Variants in CYP4A22 observed in about 807,000 individuals in gnomAD.
CYP4A22 encodes cytochrome P450 family 4 subfamily A member 22.
In CYP4A22, 46 loss-of-function variants were observed where a neutral mutation model predicts 56.2. The observed-to-expected ratio is 0.82, with a 90% confidence interval of 0.65 to 1.05. The LOEUF is 1.05. Among genes scored for constraint, CYP4A22 ranks in the 50% least tolerant of loss-of-function variants. The probability of loss-of-function intolerance (pLI) is 0.00; values close to 1 mark genes in which losing one functional copy is unlikely to be tolerated. For synonymous variants in CYP4A22, 193 were observed against 251.1 expected, an observed-to-expected ratio of 0.77 and a Z score of 2.19; for missense variants, 541 against 645.9, an observed-to-expected ratio of 0.84 and a Z score of 1.76.
Position 47,147,668 on chromosome 1 carries a change from G to C in CYP4A22, c.1365-934G>C, listed in dbSNP as rs549000752. The stretch of plus-strand genomic sequence containing the variant: ...AAGAGGCCCAGCTGGCAGGGAGTGA[G>C]AGGCAGCTGGGCTGTGACTTTAGCC... On this transcript the variant is annotated intron_variant, in intron 11 of 11. Coordinates refer to ENST00000371891, the MANE Select transcript of CYP4A22 (RefSeq NM_001010969.4). Among the ~76,000 whole-genome samples, 5 of 152,290 alleles carry C rather than the reference G, an allele frequency of 3.3e-5. No homozygotes were observed. The South Asian group carries it at 1.0e-3, about 32-fold the overall frequency.
intron 11 of CYP4A22, chr1:47,146,728 C>G: frequency 1.0e-6 from 1 of 989,048 alleles, no homozygotes; most frequent in Non-Finnish European, 1.2e-6. Flanking sequence ...CAGTGTGTGT[C>G]ATATCATACA....
rs1645050880 is a variant in CYP4A22, at chr1:47,144,427, G to C, written c.861G>C (p.Arg287Ser). ...EGELEKIKRK[R>S]HLDFLDILLL... ...AGCTGGAGAAGATCAAGAGGAAGAG[G>C]CACTTGGATTTTCTGGACATCCTCC... Residue 287 changes from arginine (R) to serine (S), a missense_variant, in exon 7 of 12, where the codon AGG becomes AGC. Arg to Ser is a moderately radical substitution (Grantham distance 110, BLOSUM62 -1). This residue lies in a region of CYP4A22 where 335 missense variants were observed against 361.2 expected (regional missense o/e 0.93). Coordinates refer to ENST00000371891, the MANE Select transcript of CYP4A22 (RefSeq NM_001010969.4). 1 of 1,613,972 alleles carries C rather than the reference G, an allele frequency of 6.2e-7. No homozygotes were observed. The highest frequency in any genetic ancestry group is 8.5e-7 in the Non-Finnish European group (1 of 1,179,866).
chr1:47,143,612 G>A, intron 5 of CYP4A22, 150 bp from the exon 6 acceptor site: 1 of 1,271,198 alleles, frequency 7.9e-7, no homozygotes. Flanking sequence ...TCTGATAAAG[G>A]CCAAAGGATA....
In CYP4A22 at chr1:47,148,678, C is replaced by T; in HGVS notation, c.1441C>T (p.Leu481=). The change falls in exon 12 of 12, where the codon CTG becomes TTG. Residue 481 remains leucine, a synonymous_variant. Transcript: ENST00000371891. Reference sequence around the variant, plus strand: ...CCTGACCCTGCTCCGCTTTGAGCTGCTGCCTGATCCCACCAGGATCCCCAT... The same window carrying T: ...CCTGACCCTGCTCCGCTTTGAGCTGTTGCCTGATCCCACCAGGATCCCCAT... ...RALTLLRFEL[L]PDPTRIPIPM... The T allele has an allele frequency of 6.2e-7, 1 of 1,614,124 alleles. No individual in the cohort carries two copies. The highest frequency in any genetic ancestry group is 8.5e-7 in the Non-Finnish European group (1 of 1,179,972).
rs1557649157 is a variant in CYP4A22, at chr1:47,144,897, C to T, written c.1149C>T (p.Tyr383=). ...GCATTAAGGAGGCACTGAGGCTCTA[C>T]CCACCGGTGCCAGGCATTGGAAGAG... ...TMCIKEALRL[Y]PPVPGIGREL... The change falls in exon 9 of 12, where the codon TAC becomes TAT. Residue 383 remains tyrosine, a synonymous_variant. Coordinates refer to ENST00000371891, the MANE Select transcript of CYP4A22 (RefSeq NM_001010969.4). 1.2e-6 allele frequency: 2 copies of T among 1,614,160 alleles called. No homozygotes were observed. The highest frequency in any genetic ancestry group is 1.7e-6 in the Non-Finnish European group (2 of 1,180,028).
In CYP4A22 at chr1:47,142,139, A is replaced by G. The variant is rs1645017786; in HGVS notation, c.414A>G (p.Thr138=). 6.2e-7 allele frequency: 1 copy of G among 1,613,876 alleles called. No homozygotes were observed. The highest frequency in any genetic ancestry group is 2.2e-5 in the East Asian group (1 of 44,866). Residue 138 remains threonine (T), a synonymous_variant, in exon 4 of 12, where the codon ACA becomes ACG. Transcript: ENST00000371891. ...GYGLLLLNGQ[T]WFQHRRMLTP... Reference sequence around the variant, plus strand: ...GCTTGCTCCTGTTGAATGGGCAGACATGGTTCCAGCATCGACGGATGCTGA... The same window carrying G: ...GCTTGCTCCTGTTGAATGGGCAGACGTGGTTCCAGCATCGACGGATGCTGA...
At chr1:47,137,924 C>T (rs1161462238) in intron 1 of CYP4A22, among the ~76,000 whole-genome samples, 1 of 151,530 alleles carries the variant, frequency 6.6e-6, no homozygotes, top group East Asian at 2.0e-4. Context: ...TCAAGTGTGT[C>T]TTGGCAGTCC....
rs548770307 is a variant in CYP4A22, at chr1:47,141,635, C to T, written c.382+20C>T. On this transcript the variant is annotated intron_variant, in intron 3 of 11. Coordinates refer to ENST00000371891, the MANE Select transcript of CYP4A22 (RefSeq NM_001010969.4). ...GGATTGGTATGTGTGCAAACTAGGA[C>T]TGCAGCCCACTCCCTAGTTAGGTTT... 2 of 1,612,008 alleles carry T rather than the reference C, an allele frequency of 1.2e-6. No individual in the cohort carries two copies. The highest frequency in any genetic ancestry group is 1.7e-6 in the Non-Finnish European group (2 of 1,178,714).
intron 9 of CYP4A22, 102 bp downstream of exon 9, chr1:47,145,072 C>G (rs576551871): frequency 7.5e-5 from 114 of 1,512,172 alleles, no homozygotes; most frequent in Non-Finnish European, 9.4e-5. Context: ...CTGGGTCTCC[C>G]TTTTGTTCTA....
chr1:47,146,377 T>C, intron 11 of CYP4A22: 1 of 1,412,050 alleles, frequency 7.1e-7, no homozygotes, highest in Non-Finnish European at 9.2e-7. Flanking sequence ...CTTCTTCAAA[T>C]GGGCAGCCTG....
intron 1 of CYP4A22, among the ~76,000 whole-genome samples, chr1:47,140,191 A>G (rs1352710803): frequency 3.9e-5 from 6 of 152,192 alleles, no homozygotes; most frequent in African/African-American, 1.4e-4. Context: ...TTATAGTCCA[A>G]CACCAGCACC....
Position 47,144,937 on chromosome 1 carries a change from G to T in CYP4A22, c.1189G>T (p.Val397Phe). The T allele has an allele frequency of 1.9e-6, 3 of 1,614,156 alleles. No homozygotes were observed. Among genetic ancestry groups the T allele is most frequent in the Non-Finnish European group, 2.5e-6 (3 of 1,180,014 alleles). ...CATTGGAAGAGAGCTCAGCACTCCC[G>T]TCACCTTCCCTGATGGGCGCTCCTT... The part of the protein sequence containing the change: ...PGIGRELSTP[V>F]TFPDGRSLPK... Residue 397 changes from valine to phenylalanine, a missense_variant, in exon 9 of 12, where the codon GTC (valine) becomes TTC (phenylalanine). Around this residue, in one of 3 missense-constraint regions of CYP4A22, gnomAD observed 204 missense variants for 258.9 expected, o/e 0.79. Coordinates refer to ENST00000371891, the MANE Select transcript of CYP4A22 (RefSeq NM_001010969.4).
intron 6 of CYP4A22, among the ~76,000 whole-genome samples, chr1:47,144,123 A>C (rs2148557560): frequency 6.6e-6 from 1 of 152,328 alleles, no homozygotes; most frequent in East Asian, 1.9e-4. Context: ...CATGGAGATA[A>C]CTGAATGAGA....
chr1:47,147,673 A>C (rs1404548116), intron 11 of CYP4A22, among the ~76,000 whole-genome samples: 2 of 152,166 alleles, frequency 1.3e-5, no homozygotes, highest in East Asian at 3.9e-4. Flanking sequence ...AGTGAGAGGC[A>C]GCTGGGCTGT....
chr1:47,142,064 C>T, intron 3 of CYP4A22, 44 bp from the exon 4 acceptor site: 2 of 1,579,238 alleles, frequency 1.3e-6, no homozygotes, highest in South Asian at 1.2e-5. Flanking sequence ...TAGGTCCGTG[C>T]AGCCTCTGAT....
At chr1:47,142,318 A>G in intron 4 of CYP4A22, 83 bp downstream of exon 4, 1 of 1,510,984 alleles carries the variant, frequency 6.6e-7, no homozygotes, top group Non-Finnish European at 8.9e-7. Context: ...TGTGTCCCAC[A>G]GGCAGCCATA....
intron 3 of CYP4A22, 64 bp from the exon 4 acceptor site, chr1:47,142,044 C>T: frequency 1.3e-6 from 2 of 1,539,134 alleles, no homozygotes; most frequent in Non-Finnish European, 1.8e-6. Context: ...AAATTGTCAC[C>T]AGTCATCCCT....
rs1356849952 is a variant in CYP4A22 at position 47,140,631 on chromosome 1, C to G, written c.196-149C>G. The G allele has an allele frequency of 9.3e-5, 116 of 1,252,462 alleles. No homozygotes were observed. In the East Asian group the frequency reaches 2.3e-3, roughly 25 times the overall value. 77.6% of individuals were successfully genotyped at this position (1,252,462 alleles called of 1,614,324 possible). On this transcript the variant is annotated intron_variant, in intron 1 of 11. Coordinates refer to ENST00000371891, the MANE Select transcript of CYP4A22 (RefSeq NM_001010969.4). ...CCTAAGGTCAAGTCCTGGGGAGATA[C>G]AAAGAATCTGGATCACAGCTCAGGT...
At position 47,146,970 on chromosome 1, in the gene CYP4A22, T is replaced by G. The variant is rs1228675269; in HGVS notation, c.1364+817T>G. 8 of 985,434 alleles carry G rather than the reference T, an allele frequency of 8.1e-6. No homozygotes were observed. In the African/African-American group the frequency reaches 1.4e-4, roughly 17 times the overall value. The allele number at this position is 985,434 out of a possible 1,614,324, so 61.0% of individuals were successfully genotyped here. ...GCACAACATTTGAAGCCTCCTGGTATGTGAAATATAAAACACACTTGAAAT... is the reference window on the plus strand; with the variant it reads ...GCACAACATTTGAAGCCTCCTGGTAGGTGAAATATAAAACACACTTGAAAT... On this transcript the variant is annotated intron_variant, in intron 11 of 11. Transcript: ENST00000371891.
Sources: gnomAD v4.1 joint callset for allele counts (sites outside exome capture counted in the v4.1 genomes callset) on GRCh38, gnomAD v4.1.1 for gene constraint, gnomAD v4.1.1 regional missense constraint, MANE v1.5 for transcripts, NCBI Gene and HGNC (gene_info 2026-07-23, HGNC 2026-07-21) for gene names.